Variants in DHX36 observed in about 807,000 individuals in gnomAD.
The protein encoded by DHX36 is DEAH-box helicase 36, also known as ATP-dependent DNA/RNA helicase DHX36.
In DHX36, 50 loss-of-function variants were observed where a neutral mutation model predicts 139.0. The observed-to-expected ratio is 0.36, with a 90% CI of 0.29 to 0.46. The LOEUF (loss-of-function observed/expected upper bound fraction) is 0.46, where lower values mean the gene tolerates loss of function less well. DHX36 is among the 20% of genes least tolerant of loss of function. DHX36 has a pLI of 1.00. For synonymous variants in DHX36, 425 were observed against 401.9 expected (o/e 1.06, Z -0.69); for missense variants, 1,024 against 1,211.3 (o/e 0.85, Z 2.29).
At chr3:154,278,077 T>TACC (rs1278923934) in intron 22 of DHX36, among the ~76,000 whole-genome samples, 1 of 152,112 alleles carries the variant, frequency 6.6e-6, no homozygotes, top group Non-Finnish European at 1.5e-5. Context: ...AACAAAAAAG[T>TACC]ACCTAAAATA....
intron 17 of DHX36, among the ~76,000 whole-genome samples, chr3:154,286,105 GATT>G (rs1222736801): frequency 8.0e-6 from 1 of 124,438 alleles, no homozygotes; most frequent in Non-Finnish European, 1.6e-5. Context: ...TGATAAAACT[GATT>G]ATCCATACAA....
intron 3 of DHX36, among the ~76,000 whole-genome samples, chr3:154,314,061 A>G (rs1712868559): frequency 6.6e-6 from 1 of 152,196 alleles, no homozygotes; most frequent in Admixed American, 6.5e-5. Context: ...TCTTTAGTAT[A>G]TGAGTTCTGT....
chr3:154,289,633 C>T (rs1711703051), intron 16 of DHX36, 76 bp downstream of exon 16: 7 of 852,812 alleles, frequency 8.2e-6, no homozygotes, highest in Non-Finnish European at 3.9e-6. Context: ...GAGATTAATA[C>T]AGTACTTTGT....
chr3:154,310,218 A>G (rs1023625467), intron 4 of DHX36, among the ~76,000 whole-genome samples: 5 of 152,162 alleles, frequency 3.3e-5, no homozygotes, highest in African/African-American at 1.2e-4. Flanking sequence ...CTGCAGAACA[A>G]GTTTTGTATG....
At position 154,280,658 on chromosome 3, in the gene DHX36, T is replaced by C; in HGVS notation, c.2488A>G (p.Ile830Val). Residue 830 changes from isoleucine (I) to valine (V), a missense_variant, in exon 22 of 25, where the codon ATA becomes GTA. By Grantham distance (29) the Ile-to-Val change is conservative. Around this residue, in one of 4 missense-constraint regions of DHX36, gnomAD observed 470 missense variants for 616.2 expected, o/e 0.76. Coordinates refer to ENST00000496811, the MANE Select transcript of DHX36 (RefSeq NM_020865.3). ...ESNINSDNEK[I>V]IKAVICAGLY... is the part of the protein sequence containing the mutation. ...CCAGCACAGATGACAGCTTTAATTATCTTCTCATTATCTATGGGGGGTGAG... is the reference window on the plus strand; with the variant it reads ...CCAGCACAGATGACAGCTTTAATTACCTTCTCATTATCTATGGGGGGTGAG... 1 of 1,612,996 alleles carries C rather than the reference T, an allele frequency of 6.2e-7. No homozygotes were observed. Among genetic ancestry groups the C allele is most frequent in the Non-Finnish European group, 8.5e-7 (1 of 1,179,452 alleles).
At position 154,295,254 on chromosome 3, in the gene DHX36, ACATTTAACAAATGTATC is replaced by A. The variant is rs368048989; in HGVS notation, c.1605+13_1605+29del. ...CTTAAAGCTTGCCTCAGTTTGAAATACATTTAACAAATGTATCCATTTAACATACCTGTGTCTGGTTA... is the reference window on the plus strand; with the variant it reads ...CTTAAAGCTTGCCTCAGTTTGAAATACATTTAACATACCTGTGTCTGGTTA... On this transcript the variant is annotated intron_variant, in intron 13 of 24. Coordinates refer to ENST00000496811, the MANE Select transcript of DHX36 (RefSeq NM_020865.3). 8.4e-4 allele frequency: 1,200 copies of A among 1,423,088 alleles called. 5 individuals carry two copies. In the African/African-American group the frequency reaches 0.015, roughly 18 times the overall value. The allele number at this position is 1,423,088 out of a possible 1,614,324, so 88.2% of individuals were successfully genotyped here.
chr3:154,306,013 T>C (rs960668719), intron 6 of DHX36, among the ~76,000 whole-genome samples: 1 of 152,132 alleles, frequency 6.6e-6, no homozygotes, highest in Admixed American at 6.6e-5. Context: ...TATAAAAGCA[T>C]CATTTAAAAA....
chr3:154,313,740 A>G, intron 3 of DHX36, among the ~76,000 whole-genome samples: 1 of 152,180 alleles, frequency 6.6e-6, no homozygotes, highest in East Asian at 1.9e-4. Context: ...TCCAGTAAGT[A>G]GAAAATTAAT....
rs765938551 is a variant in DHX36 at position 154,280,559 on chromosome 3, T to G, written c.2567+20A>C. On this transcript the variant is annotated intron_variant, in intron 22 of 24. Transcript: ENST00000496811. The stretch of plus-strand genomic sequence containing the variant: ...TAAGAAGAGAATTACGAGTAATTAA[T>G]AATAATCTTCAATGCTTACATTTTT... 1 of 1,529,558 alleles carries G rather than the reference T, an allele frequency of 6.5e-7. No individual in the cohort carries two copies. The highest frequency in any genetic ancestry group is 2.3e-5 in the East Asian group (1 of 44,388). The allele number at this position is 1,529,558 out of a possible 1,614,324, so 94.7% of individuals were successfully genotyped here. A position where few individuals can be genotyped will look rare whatever the true frequency, so the allele number is the denominator to read the frequency against.
At chr3:154,277,426 A>G (rs1719184374) in intron 23 of DHX36, among the ~76,000 whole-genome samples, 172 bp downstream of exon 23, 1 of 152,184 alleles carries the variant, frequency 6.6e-6, no homozygotes, top group African/African-American at 2.4e-5. Flanking sequence ...CCATCATTAC[A>G]GACCTGAAAA....
At chr3:154,302,234 G>A (rs546723067) in intron 9 of DHX36, among the ~76,000 whole-genome samples, 2 of 152,162 alleles carry the variant, frequency 1.3e-5, no homozygotes, top group Non-Finnish European at 2.9e-5. Flanking sequence ...CAAGAAGAAA[G>A]TTCCCAGAGT....
At position 154,324,312 on chromosome 3, in the gene DHX36, G is replaced by T. The variant is rs769690042; in HGVS notation, c.105C>A (p.Gly35=). The change falls in exon 1 of 25, where the codon GGC becomes GGA. Residue 35 remains glycine, a synonymous_variant. Transcript: ENST00000496811. ...GPAGGHGGNR[G]SGGGGGGGGG... The stretch of plus-strand genomic sequence containing the variant: ...CTCCGCCGCCGCCGCCTCCTCCGGA[G>T]CCTCGGTTACCTCCATGACCCCCTG... 6.2e-7 allele frequency: 1 copy of T among 1,611,638 alleles called. No homozygotes were observed. Among genetic ancestry groups the T allele is most frequent in the Non-Finnish European group, 8.5e-7 (1 of 1,179,002 alleles).
chr3:154,294,134 T>C (rs1302110658), intron 13 of DHX36, among the ~76,000 whole-genome samples: 1 of 152,218 alleles, frequency 6.6e-6, no homozygotes, highest in Non-Finnish European at 1.5e-5. Context: ...GGGAGGGATA[T>C]TTCTGTTAGG....
In DHX36 at chr3:154,313,712, A is replaced by G. The variant is rs79843166; in HGVS notation, c.603+1334T>C. On this transcript the variant is annotated intron_variant, in intron 3 of 24. Coordinates refer to ENST00000496811, the MANE Select transcript of DHX36 (RefSeq NM_020865.3). ...TATATATACATACACGCACACATAT[A>G]TAGCACAGTAACTGGCATCCAGTAA... 6.2e-4 allele frequency among the ~76,000 whole-genome samples: 95 copies of G among 152,284 alleles called. 2 individuals are homozygous for G. The East Asian group carries it at 0.018, about 28-fold the overall frequency.
At chr3:154,301,149 A>T (rs565503587) in intron 9 of DHX36, 22 bp from the exon 10 acceptor site, 2 of 1,563,528 alleles carry the variant, frequency 1.3e-6, no homozygotes, top group South Asian at 1.2e-5. Context: ...ACATTCTTGA[A>T]TATCTTCACT....
chr3:154,276,491 C>A, intron 24 of DHX36, 135 bp from the exon 25 acceptor site: 1 of 883,730 alleles, frequency 1.1e-6, no homozygotes, highest in Admixed American at 2.9e-5. Context: ...AGTGAGCAAT[C>A]AACTAAAGTG....
intron 8 of DHX36, 102 bp from the exon 9 acceptor site, chr3:154,303,512 C>G: frequency 1.2e-6 from 1 of 823,020 alleles, no homozygotes; most frequent in South Asian, 2.2e-5. Context: ...CTATTAATTC[C>G]AGAAAATGGT....
intron 13 of DHX36, 47 bp downstream of exon 13, chr3:154,295,237 T>A (rs768216965): frequency 3.4e-6 from 4 of 1,188,738 alleles, no homozygotes; most frequent in Non-Finnish European, 4.8e-6. Context: ...TCCTTAAAGC[T>A]TGCCTCAGTT....
chr3:154,314,454 TA>T (rs1341091381), intron 3 of DHX36, among the ~76,000 whole-genome samples: 1 of 152,154 alleles, frequency 6.6e-6, no homozygotes, highest in Non-Finnish European at 1.5e-5. Flanking sequence ...TAATTTCTCT[TA>T]AACATATACA....
Sources: gnomAD v4.1 joint callset for allele counts (sites outside exome capture counted in the v4.1 genomes callset) on GRCh38, gnomAD v4.1.1 for gene constraint, gnomAD v4.1.1 regional missense constraint, MANE v1.5 for transcripts, NCBI Gene and HGNC (gene_info 2026-07-23, HGNC 2026-07-21) for gene names.